Variants in CCDC92 observed in about 807,000 individuals in gnomAD.
CCDC92 encodes the protein coiled-coil domain containing 92.
A neutral mutation model predicts 24.9 loss-of-function variants in CCDC92; 12 were observed. The observed-to-expected ratio is 0.48, with a 90% confidence interval of 0.31 to 0.78. The LOEUF (loss-of-function observed/expected upper bound fraction) is 0.78, where lower values mean the gene tolerates loss of function less well. CCDC92 is among the 30% of genes least tolerant of loss of function. The pLI is 0.05. For synonymous variants in CCDC92, 193 were observed against 196.3 expected (o/e 0.98, Z 0.14); for missense variants, 399 against 439.4 (o/e 0.91, Z 0.82).
rs1956231200 is a variant in CCDC92 at position 123,959,736 on chromosome 12, T to C, written c.-60+12793A>G. On this transcript the variant is annotated intron_variant, in intron 1 of 4. Transcript: ENST00000238156. ...CTTCTGTAGCTGTTGCGGCCACATG[T>C]AGCTATTGAACACCTGAAATGTGGC... Among the ~76,000 whole-genome samples, 5 of 152,250 alleles carry C rather than the reference T, an allele frequency of 3.3e-5. No individual in the cohort carries two copies. In the South Asian group the frequency reaches 1.0e-3, roughly 32 times the overall value.
At chr12:123,938,295 C>T (rs1955584354) in intron 4 of CCDC92, among the ~76,000 whole-genome samples, 1 of 152,144 alleles carries the variant, frequency 6.6e-6, no homozygotes, top group South Asian at 2.1e-4. Flanking sequence ...GTGGGGCTGT[C>T]ACCTTTGCTC....
intron 1 of CCDC92, among the ~76,000 whole-genome samples, chr12:123,959,747 C>T (rs915371744): frequency 6.6e-6 from 1 of 152,170 alleles, no homozygotes. Flanking sequence ...AGCTATTGAA[C>T]ACCTGAAATG....
chr12:123,947,887 G>C (rs1357598851), intron 1 of CCDC92, among the ~76,000 whole-genome samples: 1 of 152,144 alleles, frequency 6.6e-6, no homozygotes, highest in South Asian at 2.1e-4. Context: ...TGTCCACGCT[G>C]CTTTTATGAG....
At chr12:123,960,771 T>C (rs539751737) in intron 1 of CCDC92, 1 of 152,354 alleles carries the variant, frequency 6.6e-6, no homozygotes, top group African/African-American at 2.4e-5. Context: ...TTTATTTTCA[T>C]TTTAGAACTG....
rs775277901 is a variant in CCDC92 at position 123,937,549 on chromosome 12, GCTT to G, written c.502_504del (p.Lys168del). 101 of 1,612,628 alleles carry G rather than the reference GCTT, an allele frequency of 6.3e-5. No individual in the cohort carries two copies. In the African/African-American group the frequency reaches 7.6e-4, roughly 12 times the overall value. ...TCTGAGGTCCCGCTGGAGCTCATGA[GCTT>G]CTTCTTGGCGGCGTGCAGCTGGGAG... On this transcript the variant is annotated inframe_deletion, in exon 5 of 5. Transcript: ENST00000238156. This position sits in a 1 kb window ranked among gnomAD's most constrained non-coding sequence, Gnocchi z 8.4.
At chr12:123,938,168 C>T (rs1041363583) in intron 4 of CCDC92, among the ~76,000 whole-genome samples, 47 of 152,242 alleles carry the variant, frequency 3.1e-4, no homozygotes, top group African/African-American at 1.1e-3. Context: ...CCTCTGTCTG[C>T]TCAGATGGCA....
chr12:123,969,650 G>C (rs1347936577), intron 1 of CCDC92, among the ~76,000 whole-genome samples: 2 of 151,810 alleles, frequency 1.3e-5, no homozygotes, highest in Admixed American at 6.6e-5. Context: ...TTTTAGTAGA[G>C]ATGGGGTTTC....
intron 4 of CCDC92, 83 bp downstream of exon 4, chr12:123,942,661 A>G (rs529115219): frequency 2.0e-4 from 201 of 1,023,232 alleles, no homozygotes; most frequent in South Asian, 1.9e-3. Context: ...ATTTTCTCCT[A>G]AGTGTGTGAC....
At chr12:123,949,879 C>G (rs1955980334) in intron 1 of CCDC92, among the ~76,000 whole-genome samples, 1 of 152,224 alleles carries the variant, frequency 6.6e-6, no homozygotes, top group South Asian at 2.1e-4. Flanking sequence ...AGCGTGAAGA[C>G]AAGGGGCCCT....
chr12:123,944,165 C>G, intron 2 of CCDC92, 107 bp downstream of exon 2: 1 of 765,428 alleles, frequency 1.3e-6, no homozygotes, highest in Non-Finnish European at 2.4e-6. Context: ...GAACGTATCT[C>G]ATGGGGCCAG....
chr12:123,941,245 T>C (rs1329332615), intron 4 of CCDC92, among the ~76,000 whole-genome samples: 1 of 152,160 alleles, frequency 6.6e-6, no homozygotes, highest in Non-Finnish European at 1.5e-5. Flanking sequence ...TCCTCTGCAT[T>C]CCCACAGGCC....
chr12:123,971,955 G>C (rs954043097), intron 1 of CCDC92: 1 of 152,346 alleles, frequency 6.6e-6, no homozygotes, highest in African/African-American at 2.4e-5. Context: ...AAGGTTCCCC[G>C]GGTGGTAACA....
chr12:123,941,742 T>C (rs1160212889), intron 4 of CCDC92, among the ~76,000 whole-genome samples: 1 of 152,248 alleles, frequency 6.6e-6, no homozygotes, highest in East Asian at 1.9e-4. Context: ...TTGGAAACTC[T>C]CCTGACCCTC....
chr12:123,937,407 G>A lies in CCDC92; in HGVS notation c.647C>T (p.Pro216Leu), dbSNP rs765763703. The A allele has an allele frequency of 1.2e-5, 19 of 1,613,858 alleles. No homozygotes were observed. The highest frequency in any genetic ancestry group is 1.7e-5 in the Admixed American group (1 of 60,014). Reference protein sequence around the residue: ...MKKSLSAPLHPEFEEVYRFGA... With the variant: ...MKKSLSAPLHLEFEEVYRFGA... ...GAATCTGTAGACCTCTTCAAATTCCGGGTGCAAGGGGGCTGAGAGGCTCTT... is the reference window on the plus strand; with the variant it reads ...GAATCTGTAGACCTCTTCAAATTCCAGGTGCAAGGGGGCTGAGAGGCTCTT... Residue 216 changes from proline to leucine, a missense_variant, in exon 5 of 5, where the codon CCG becomes CTG. Pro to Leu is a moderately conservative substitution (Grantham distance 98). Transcript: ENST00000238156. The surrounding 1 kb of genome is among the most constrained non-coding windows in gnomAD (Gnocchi z 8.4).
intron 1 of CCDC92, among the ~76,000 whole-genome samples, chr12:123,958,344 C>T (rs934214862): frequency 1.3e-5 from 2 of 152,160 alleles, no homozygotes; most frequent in Non-Finnish European, 1.5e-5. Context: ...TGAGCCACCA[C>T]GCCCGGCCAA....
intron 1 of CCDC92, among the ~76,000 whole-genome samples, chr12:123,951,255 C>G (rs2138037092): frequency 6.6e-6 from 1 of 152,322 alleles, no homozygotes; most frequent in South Asian, 2.1e-4. Context: ...CAGCATGAAT[C>G]TGAACATGAC....
chr12:123,960,724 C>T (rs1319359782), intron 1 of CCDC92: 1 of 152,190 alleles, frequency 6.6e-6, no homozygotes, highest in Non-Finnish European at 1.5e-5. Context: ...AGTGAGTTTT[C>T]CATTAAGCTA....
At chr12:123,944,226 C>T in intron 2 of CCDC92, 46 bp downstream of exon 2, 1 of 1,269,046 alleles carries the variant, frequency 7.9e-7, no homozygotes, top group Non-Finnish European at 1.2e-6. Flanking sequence ...CCCCTCCCAG[C>T]CCCAGCTTCC....
intron 1 of CCDC92, among the ~76,000 whole-genome samples, chr12:123,949,235 T>G (rs530441870): frequency 1.3e-5 from 2 of 152,254 alleles, no homozygotes; most frequent in Admixed American, 1.3e-4. Flanking sequence ...CCAGCCCGTT[T>G]GGCAAAACGC....
Sources: allele counts gnomAD v4.1 joint callset (sites outside exome capture counted in the v4.1 genomes callset), GRCh38; gene constraint gnomAD v4.1.1; non-coding constraint Gnocchi (gnomAD v3.1); transcripts MANE v1.5; gene names NCBI Gene and HGNC (gene_info 2026-07-23, HGNC 2026-07-21).